The following SYNPR variants were observed in gnomAD, a reference collection of about 807,000 sequenced individuals.
SYNPR encodes the protein synaptoporin.
Under a neutral mutation model 32.9 loss-of-function variants are expected in SYNPR, and 23 were observed. That is an observed-to-expected ratio of 0.70 (90% CI 0.50 to 0.99). The LOEUF is 0.99. SYNPR is among the 50% of genes least tolerant of loss of function. The pLI is 0.00. For missense variants in SYNPR, 318 were observed against 349.3 expected, an observed-to-expected ratio of 0.91 and a Z score of 0.71; for synonymous variants, 146 against 135.9, an observed-to-expected ratio of 1.07 and a Z score of -0.52.
chr3:63,241,106 G>A (rs17366290), intron 1 of SYNPR, among the ~76,000 whole-genome samples: 11,775 of 152,112 alleles, frequency 0.077, 502 homozygotes, highest in Middle Eastern at 0.11. Flanking sequence ...CACCTTCACC[G>A]TTACAGGACA....
chr3:63,310,954 TCA>T (rs932911192), intron 2 of SYNPR, among the ~76,000 whole-genome samples: 1 of 152,008 alleles, frequency 6.6e-6, no homozygotes, highest in Non-Finnish European at 1.5e-5. Context: ...CCCTGTACTC[TCA>T]GTGTGTCCTG....
intron 2 of SYNPR, among the ~76,000 whole-genome samples, chr3:63,280,986 G>C (rs894770826): frequency 6.6e-6 from 1 of 152,184 alleles, no homozygotes; most frequent in African/African-American, 2.4e-5. Flanking sequence ...CATTTTAAAA[G>C]AGCTGAGCTA....
At chr3:63,416,767 G>A (rs1485208168) in intron 2 of SYNPR, among the ~76,000 whole-genome samples, 1 of 151,988 alleles carries the variant, frequency 6.6e-6, no homozygotes, top group Non-Finnish European at 1.5e-5. Context: ...AAGAGCTTGT[G>A]CAGGAAAATT....
At chr3:63,612,226 T>TA (rs200196316) in intron 5 of SYNPR, among the ~76,000 whole-genome samples, 14 of 152,064 alleles carry the variant, frequency 9.2e-5, no homozygotes, top group Middle Eastern at 6.8e-3. Flanking sequence ...AGATAATCTA[T>TA]AAAAAAAATA....
intron 2 of SYNPR, among the ~76,000 whole-genome samples, chr3:63,367,342 A>ATTATTTATTTATTTATTTAT (rs3081092): frequency 6.3e-4 from 90 of 143,686 alleles, no homozygotes; most frequent in African/African-American, 2.1e-3. Context: ...TCACTGTTGA[A>ATTATTTATTTATTTATTTAT]TTATTTATTT....
intron 2 of SYNPR, among the ~76,000 whole-genome samples, chr3:63,318,589 C>G (rs2087070716): frequency 6.6e-6 from 1 of 151,900 alleles, no homozygotes; most frequent in Non-Finnish European, 1.5e-5. Context: ...AAAGTGTGCC[C>G]AAAGTTTCCT....
Position 63,386,907 on chromosome 3 carries a change from C to T in SYNPR, c.85-93925C>T, listed in dbSNP as rs191574414. 2.6e-5 allele frequency among the ~76,000 whole-genome samples: 4 copies of T among 152,334 alleles called. No homozygotes were observed. The East Asian group carries it at 7.7e-4, about 29-fold the overall frequency. On this transcript the variant is annotated intron_variant, in intron 2 of 5. Coordinates refer to ENST00000478300, the MANE Select transcript of SYNPR (RefSeq NM_001130003.2). ...GAAAGCCTCACCAAGACAGTGGGGA[C>T]TCTGCTGAGTGGCCTCTGCTCTTCT...
intron 2 of SYNPR, among the ~76,000 whole-genome samples, chr3:63,426,364 T>A (rs1388766734): frequency 6.6e-6 from 1 of 152,224 alleles, no homozygotes; most frequent in African/African-American, 2.4e-5. Flanking sequence ...TAACCTGCAT[T>A]CTTTCCCTAC....
At position 63,457,789 on chromosome 3, in the gene SYNPR, A is replaced by G. The variant is rs952965265; in HGVS notation, c.85-23043A>G. Among the ~76,000 whole-genome samples, 6 of 152,290 alleles carry G rather than the reference A, an allele frequency of 3.9e-5. No homozygotes were observed. The South Asian group carries it at 8.3e-4, about 21-fold the overall frequency. ...TTGAATATTTAGCGAACTTTGGTCC[A>G]GGAAGGGAGAAGACCCTACTGCTTT... On this transcript the variant is annotated intron_variant, in intron 2 of 5. Transcript: ENST00000478300.
chr3:63,479,446 G>GCGCGCACACACA (rs6147854), intron 2 of SYNPR, among the ~76,000 whole-genome samples: 2 of 135,742 alleles, frequency 1.5e-5, no homozygotes, highest in Non-Finnish European at 3.2e-5. Flanking sequence ...CCACACACAT[G>GCGCGCACACACA]CACACACACA....
chr3:63,360,548 A>G (rs1597624), intron 2 of SYNPR, among the ~76,000 whole-genome samples: 7,372 of 152,304 alleles, frequency 0.048, 249 homozygotes, highest in Admixed American at 0.066. Context: ...ATCTTGGCCT[A>G]TAAGACACAA....
chr3:63,341,180 C>T (rs1239502565), intron 2 of SYNPR, among the ~76,000 whole-genome samples: 3 of 152,260 alleles, frequency 2.0e-5, no homozygotes, highest in South Asian at 2.1e-4. Flanking sequence ...TGGCAATATG[C>T]GCTTAAGGTT....
chr3:63,362,810 G>A lies in SYNPR; in HGVS notation c.84+84068G>A, dbSNP rs79725881. Among the ~76,000 whole-genome samples, 1,024 of 152,230 alleles carry A rather than the reference G, an allele frequency of 6.7e-3. 18 individuals carry two copies. Among genetic ancestry groups the A allele is most frequent in the East Asian group, 0.05 (259 of 5,170 alleles). ...CTCTATCCAAAGATGCCAATATGTTGATCCTACTTTCCAAAATCTGTTCCT... is the reference window on the plus strand; with the variant it reads ...CTCTATCCAAAGATGCCAATATGTTAATCCTACTTTCCAAAATCTGTTCCT... On this transcript the variant is annotated intron_variant, in intron 2 of 5. Coordinates refer to ENST00000478300, the MANE Select transcript of SYNPR (RefSeq NM_001130003.2).
At chr3:63,527,387 A>C (rs1463495725) in intron 3 of SYNPR, among the ~76,000 whole-genome samples, 1 of 152,114 alleles carries the variant, frequency 6.6e-6, no homozygotes, top group Non-Finnish European at 1.5e-5. Context: ...TCCATTAAAA[A>C]AAAAATTCAG....
chr3:63,392,280 G>A (rs912366362), intron 2 of SYNPR, among the ~76,000 whole-genome samples: 1 of 152,090 alleles, frequency 6.6e-6, no homozygotes, highest in Non-Finnish European at 1.5e-5. Flanking sequence ...ACTTCTCTCT[G>A]GTTTCAGAGG....
At chr3:63,222,216 T>G in the SYNPR span, among the ~76,000 whole-genome samples, 1 of 151,788 alleles carries the variant, frequency 6.6e-6, no homozygotes, top group African/African-American at 2.4e-5. Context: ...TACAGTGTAC[T>G]GCAAAGCATC....
At chr3:63,384,991 T>C (rs2088022426) in intron 2 of SYNPR, among the ~76,000 whole-genome samples, 2 of 152,100 alleles carry the variant, frequency 1.3e-5, no homozygotes, top group African/African-American at 4.8e-5. Flanking sequence ...AACCATGAGA[T>C]TCCAATTTAA....
At chr3:63,602,318 T>C (rs1700056378) in intron 4 of SYNPR, among the ~76,000 whole-genome samples, 1 of 98,592 alleles carries the variant, frequency 1.0e-5, no homozygotes, top group Non-Finnish European at 2.2e-5. Flanking sequence ...TGTTGATAGT[T>C]TCTTCTGCTG....
intron 2 of SYNPR, among the ~76,000 whole-genome samples, chr3:63,410,014 T>C (rs1367147282): frequency 6.7e-6 from 1 of 148,738 alleles, no homozygotes; most frequent in East Asian, 2.0e-4. Context: ...CAGAACCCCA[T>C]CCATTCTTTA....
Sources: allele counts gnomAD v4.1 joint callset (sites outside exome capture counted in the v4.1 genomes callset), GRCh38; gene constraint gnomAD v4.1.1; transcripts MANE v1.5; gene names NCBI Gene and HGNC (gene_info 2026-07-23, HGNC 2026-07-21).